ZBTB20: variants seen among roughly 807,000 people sequenced by gnomAD.
ZBTB20 encodes the protein zinc finger and BTB domain containing 20.
A neutral mutation model predicts 56.9 loss-of-function variants in ZBTB20; 9 were observed. That is an observed-to-expected ratio of 0.16 (90% confidence interval 0.10 to 0.28). The LOEUF (loss-of-function observed/expected upper bound fraction) is 0.28. ZBTB20 is among the 10% of genes least tolerant of loss of function. The pLI, the probability that ZBTB20 is intolerant of heterozygous loss-of-function variation, is 1.00. For missense variants in ZBTB20, 655 were observed against 1,003.0 expected, an observed-to-expected ratio of 0.65 and a Z score of 4.69; for synonymous variants, 417 against 420.7, an observed-to-expected ratio of 0.99 and a Z score of 0.11.
chr3:114,678,056 T>C (rs2061736459), intron 6 of ZBTB20, among the ~76,000 whole-genome samples: 1 of 152,172 alleles, frequency 6.6e-6, no homozygotes, highest in Non-Finnish European at 1.5e-5. Context: ...TCTGATTCTT[T>C]ATAAAAAAAT....
rs758500362 is a variant in ZBTB20 at position 114,350,434 on chromosome 3, C to G, written c.1644G>C (p.Ser548=). Residue 548 remains serine, a synonymous_variant, in exon 11 of 12, where the codon TCG becomes TCC. Transcript: ENST00000675478. ...GCGCTGGCAGCTGTGCAGTAAAGGTCGACAGACCGGGCTGGGACACTGTCA... is the reference window on the plus strand; with the variant it reads ...GCGCTGGCAGCTGTGCAGTAAAGGTGGACAGACCGGGCTGGGACACTGTCA... ...QFVTVSQPGL[S]TFTAQLPAPQ... 2 of 1,613,974 alleles carry G rather than the reference C, an allele frequency of 1.2e-6. No homozygotes were observed. Among genetic ancestry groups the G allele is most frequent in the Non-Finnish European group, 1.7e-6 (2 of 1,180,032 alleles).
chr3:114,953,412 T>G (rs1212175594), intron 3 of ZBTB20, among the ~76,000 whole-genome samples: 1 of 151,434 alleles, frequency 6.6e-6, no homozygotes, highest in Admixed American at 6.6e-5. Context: ...AATATACCAA[T>G]TAAAGACAGA....
At chr3:114,475,246 C>T (rs1007181512) in intron 7 of ZBTB20, among the ~76,000 whole-genome samples, 2 of 152,052 alleles carry the variant, frequency 1.3e-5, no homozygotes, top group African/African-American at 4.8e-5. Flanking sequence ...GCTTGTTTTT[C>T]AAAGCCCAAA....
intron 3 of ZBTB20, among the ~76,000 whole-genome samples, chr3:114,917,609 G>A (rs1292063907): frequency 6.6e-6 from 1 of 152,156 alleles, no homozygotes; most frequent in Non-Finnish European, 1.5e-5. Flanking sequence ...GTTACACTGA[G>A]GCTCTTACAG....
intron 2 of ZBTB20, among the ~76,000 whole-genome samples, chr3:115,003,298 T>C (rs1194540796): frequency 2.0e-5 from 3 of 151,696 alleles, no homozygotes; most frequent in African/African-American, 2.4e-5. Flanking sequence ...GTTATAATAA[T>C]GCATCAATAT....
At chr3:115,135,060 A>C (rs2084618150) in intron 1 of ZBTB20, among the ~76,000 whole-genome samples, 1 of 152,194 alleles carries the variant, frequency 6.6e-6, no homozygotes, top group Non-Finnish European at 1.5e-5. Flanking sequence ...AGGAGTTCAC[A>C]AACCTCTAAA....
intron 3 of ZBTB20, among the ~76,000 whole-genome samples, chr3:114,911,034 C>T (rs2107708323): frequency 6.6e-6 from 1 of 151,908 alleles, no homozygotes; most frequent in Middle Eastern, 3.4e-3. Context: ...TTTCTCTGTC[C>T]TATTCTTGTT....
In ZBTB20 at chr3:114,339,053, T is replaced by C. The variant is rs1030417546; in HGVS notation, c.2178A>G (p.Gln726=). 1 of 1,544,714 alleles carries C rather than the reference T, an allele frequency of 6.5e-7. No individual in the cohort carries two copies. Among genetic ancestry groups the C allele is most frequent in the Non-Finnish European group, 8.7e-7 (1 of 1,144,934 alleles). ...TCATGTGGTCGTTGAACTGCTCGAT[T>C]TGGTCAAACTTTGCTGGGCAGACGG... is the stretch of plus-strand genomic sequence containing the variant. ...VCSVCPAKFD[Q]IEQFNDHMRM... The change falls in exon 12 of 12, where the codon CAA becomes CAG. Residue 726 remains glutamine, a synonymous_variant. Transcript: ENST00000675478. The surrounding 1 kb of genome is among the most constrained non-coding windows in gnomAD (Gnocchi z 4.2).
At chr3:115,057,750 T>G (rs866885726) in intron 2 of ZBTB20, among the ~76,000 whole-genome samples, 1 of 152,174 alleles carries the variant, frequency 6.6e-6, no homozygotes, top group Non-Finnish European at 1.5e-5. Flanking sequence ...ATGATTTCTC[T>G]TTCAGCTTTT....
At chr3:114,347,610 T>TAAG (rs2080303527) in intron 11 of ZBTB20, among the ~76,000 whole-genome samples, 3 of 152,222 alleles carry the variant, frequency 2.0e-5, no homozygotes, top group Non-Finnish European at 4.4e-5. Flanking sequence ...AGGTCTTGAA[T>TAAG]TATTTCCACA....
chr3:114,507,635 G>C (rs923400727), intron 6 of ZBTB20, among the ~76,000 whole-genome samples: 2 of 152,066 alleles, frequency 1.3e-5, no homozygotes, highest in Admixed American at 1.3e-4. Flanking sequence ...CTTTCTTCCT[G>C]ACTCTCTTAA....
Position 114,810,791 on chromosome 3 carries a change from C to T in ZBTB20, c.-416-9617G>A, listed in dbSNP as rs1357180027. Among the ~76,000 whole-genome samples, 6 of 152,180 alleles carry T rather than the reference C, an allele frequency of 3.9e-5. No homozygotes were observed. In the East Asian group the frequency reaches 1.2e-3, roughly 29 times the overall value. ...AATCAGGGGCCTAGCTGCAGGTATC[C>T]ATGCATGTGGGGTGGCGGGGGGGAA... On this transcript the variant is annotated intron_variant, in intron 4 of 11. Coordinates refer to ENST00000675478, the MANE Select transcript of ZBTB20 (RefSeq NM_001348800.3).
chr3:115,053,940 T>C (rs903870777), intron 2 of ZBTB20, among the ~76,000 whole-genome samples: 7 of 152,276 alleles, frequency 4.6e-5, no homozygotes, highest in Non-Finnish European at 8.8e-5. Context: ...AACTCTCCCA[T>C]AAACTACTAA....
At chr3:114,567,888 T>A (rs181487187) in intron 6 of ZBTB20, among the ~76,000 whole-genome samples, 1 of 152,312 alleles carries the variant, frequency 6.6e-6, no homozygotes, top group East Asian at 1.9e-4. Flanking sequence ...CTAGGAAGAA[T>A]AACTAAAGGT....
At chr3:114,986,444 TCAG>T (rs1247329066) in intron 2 of ZBTB20, among the ~76,000 whole-genome samples, 5 of 152,170 alleles carry the variant, frequency 3.3e-5, no homozygotes, top group Non-Finnish European at 7.4e-5. Flanking sequence ...ATTAATTTTG[TCAG>T]GCAAGATTTG....
chr3:114,752,735 C>T (rs1190550386), intron 5 of ZBTB20, among the ~76,000 whole-genome samples: 4 of 152,056 alleles, frequency 2.6e-5, no homozygotes, highest in Non-Finnish European at 5.9e-5. Flanking sequence ...ACTCTCTGAC[C>T]TTTTGAAGGA....
chr3:114,864,490 T>A lies in ZBTB20; in HGVS notation c.-417+35814A>T, dbSNP rs957536973. Among the ~76,000 whole-genome samples the A allele has an allele frequency of 3.2e-4, 5 of 15,872 alleles. No individual in the cohort carries two copies. In the Non-Finnish European group the frequency reaches 9.7e-3, roughly 31 times the overall value. The allele number at this position is 15,872 out of a possible 152,430, so 10.4% of individuals were successfully genotyped here. ...TTTATTTTCATATAATTACAAGGAT[T>A]TTTTTTTTTGGCAATTGACATGAAC... is the stretch of plus-strand genomic sequence containing the variant. On this transcript the variant is annotated intron_variant, in intron 4 of 11. Coordinates refer to ENST00000675478, the MANE Select transcript of ZBTB20 (RefSeq NM_001348800.3).
intron 6 of ZBTB20, among the ~76,000 whole-genome samples, chr3:114,544,493 CTTTCT>C (rs1467593434): frequency 2.3e-4 from 22 of 97,500 alleles, no homozygotes; most frequent in South Asian, 3.8e-4. Flanking sequence ...CTTTCACTTT[CTTTCT>C]TTTCTTTCTT....
chr3:114,929,645 T>TA (rs2076283238), intron 3 of ZBTB20, among the ~76,000 whole-genome samples: 1 of 152,244 alleles, frequency 6.6e-6, no homozygotes, highest in Non-Finnish European at 1.5e-5. Flanking sequence ...AGTTCCTACT[T>TA]ACAACTTCTA....
Sources: gnomAD v4.1 joint callset for allele counts (sites outside exome capture counted in the v4.1 genomes callset) on GRCh38, gnomAD v4.1.1 for gene constraint, Gnocchi (gnomAD v3.1) non-coding constraint, MANE v1.5 for transcripts, NCBI Gene and HGNC (gene_info 2026-07-23, HGNC 2026-07-21) for gene names.